MS4A4A: variants seen among roughly 807,000 people sequenced by gnomAD.
The protein encoded by MS4A4A is membrane-spanning 4-domains subfamily A member 4A.
A neutral mutation model predicts 28.0 loss-of-function variants in MS4A4A; 26 were observed. The ratio of observed to expected loss-of-function variants is 0.93; its 90% CI spans 0.68 to 1.29. MS4A4A has a LOEUF of 1.29. Ranked by LOEUF, MS4A4A falls within the 50% of genes most tolerant of loss-of-function variation. The pLI, the probability that MS4A4A is intolerant of heterozygous loss-of-function variation, is 0.00. For synonymous variants in MS4A4A, 86 were observed against 100.8 expected (o/e 0.85, Z 0.88); for missense variants, 290 against 293.1 (o/e 0.99, Z 0.08).
intron 1 of MS4A4A, among the ~76,000 whole-genome samples, chr11:60,284,200 T>A (rs1029281175): frequency 2.6e-5 from 4 of 152,252 alleles, no homozygotes; most frequent in African/African-American, 9.6e-5. Context: ...AATTCTGTCC[T>A]GTGAATAATA....
chr11:60,301,131 A>G, intron 4 of MS4A4A, 74 bp downstream of exon 4: 1 of 1,197,898 alleles, frequency 8.3e-7, no homozygotes, highest in Non-Finnish European at 1.2e-6. Context: ...CAGGGTGTAA[A>G]ACAGGTTTTG....
chr11:60,302,372 T>C (rs1251064141), intron 4 of MS4A4A, among the ~76,000 whole-genome samples, 187 bp from the exon 5 acceptor site: 3 of 152,188 alleles, frequency 2.0e-5, no homozygotes, highest in African/African-American at 7.2e-5. Flanking sequence ...AGCTGCGGAA[T>C]AATGAGATCA....
intron 2 of MS4A4A, among the ~76,000 whole-genome samples, chr11:60,296,178 T>C (rs1175449186): frequency 1.3e-5 from 2 of 152,106 alleles, no homozygotes; most frequent in East Asian, 3.9e-4. Context: ...TTATTCAGAG[T>C]GTCTCTTCTT....
chr11:60,285,777 G>C (rs2084798493), intron 1 of MS4A4A, among the ~76,000 whole-genome samples: 1 of 152,168 alleles, frequency 6.6e-6, no homozygotes, highest in South Asian at 2.1e-4. Context: ...GGGCAGAAGG[G>C]CAGAGCAAGG....
At position 60,300,945 on chromosome 11, in the gene MS4A4A, A is replaced by G. The variant is rs920912822; in HGVS notation, c.331-56A>G. 18 of 1,284,036 alleles carry G rather than the reference A, an allele frequency of 1.4e-5. 2 individuals are homozygous for G. The South Asian group carries it at 2.0e-4, about 14-fold the overall frequency. 79.5% of individuals were successfully genotyped at this position (1,284,036 alleles called of 1,614,324 possible). ...AATTTAGAATTAAGTTTAGTAAGTT[A>G]TGACTCCCAATACTGGCTTAAAGTT... On this transcript the variant is annotated intron_variant, in intron 3 of 6. Coordinates refer to ENST00000337908, the MANE Select transcript of MS4A4A (RefSeq NM_148975.3).
At chr11:60,286,940 A>G (rs2084808263) in intron 1 of MS4A4A, among the ~76,000 whole-genome samples, 1 of 152,120 alleles carries the variant, frequency 6.6e-6, no homozygotes, top group African/African-American at 2.4e-5. Context: ...GTTTTTGTAG[A>G]TATTTGTTTC....
At chr11:60,299,448 C>CTTTTTT (rs5792179) in intron 3 of MS4A4A, among the ~76,000 whole-genome samples, 1 of 113,216 alleles carries the variant, frequency 8.8e-6, no homozygotes, top group African/African-American at 3.4e-5. Context: ...AATTACAATT[C>CTTTTTT]TTTTTTTTTT....
chr11:60,297,467 C>T, intron 3 of MS4A4A, 142 bp downstream of exon 3: 1 of 905,218 alleles, frequency 1.1e-6, no homozygotes, highest in Non-Finnish European at 1.6e-6. Context: ...TCAATTTTCT[C>T]ATATTTAAAG....
At chr11:60,289,904 C>G (rs1027243083) in intron 1 of MS4A4A, 4 of 157,718 alleles carry the variant, frequency 2.5e-5, no homozygotes, top group African/African-American at 7.2e-5. Context: ...AGATTATGTT[C>G]CAAATATGTC....
chr11:60,285,428 C>T (rs1476104091), intron 1 of MS4A4A, among the ~76,000 whole-genome samples: 10 of 152,230 alleles, frequency 6.6e-5, no homozygotes, highest in Non-Finnish European at 1.5e-4. Flanking sequence ...CAGTGAGTCA[C>T]GATAGTGCCA....
intron 1 of MS4A4A, chr11:60,290,121 C>G (rs1280190853): frequency 2.2e-6 from 1 of 445,086 alleles, no homozygotes; most frequent in Admixed American, 2.4e-5. Flanking sequence ...TGATTGCCTT[C>G]TAAATATGTG....
At chr11:60,294,848 T>C (rs1428623268) in intron 2 of MS4A4A, among the ~76,000 whole-genome samples, 3 of 150,994 alleles carry the variant, frequency 2.0e-5, no homozygotes, top group Admixed American at 1.3e-4. Flanking sequence ...ACTATCACTT[T>C]ATAGTATGTC....
chr11:60,306,765 C>T (rs1483919518), intron 6 of MS4A4A, among the ~76,000 whole-genome samples: 1 of 152,216 alleles, frequency 6.6e-6, no homozygotes, highest in Non-Finnish European at 1.5e-5. Context: ...AAGTGCATAA[C>T]CTCTGAATCC....
chr11:60,280,752 C>A, intron 1 of MS4A4A, 36 bp downstream of exon 1: 2 of 1,611,530 alleles, frequency 1.2e-6, no homozygotes, highest in Middle Eastern at 1.7e-4. Context: ...GGCTTTCGGG[C>A]TGATGGCTTG....
At chr11:60,301,482 G>A (rs1396380852) in intron 4 of MS4A4A, among the ~76,000 whole-genome samples, 3 of 152,118 alleles carry the variant, frequency 2.0e-5, no homozygotes, top group East Asian at 1.9e-4. Context: ...TTCACAATAA[G>A]GTTATTACAT....
chr11:60,301,035 G>T lies in MS4A4A; in HGVS notation c.365G>T (p.Gly122Val). The T allele has an allele frequency of 6.2e-7, 1 of 1,600,118 alleles. No individual in the cohort carries two copies. The stretch of plus-strand genomic sequence containing the variant: ...TCAGGATCCTTGTCAATTGCAGCAG[G>T]AATTAGAACTACAAAAGGCCTGGTG... The part of the protein sequence containing the change: ...IISGSLSIAA[G>V]IRTTKGLVRG... The change falls in exon 4 of 7, where the codon GGA becomes GTA. Residue 122 changes from glycine (G) to valine (V), a missense_variant. By Grantham distance (109) the Gly-to-Val change is moderately radical. Transcript: ENST00000337908.
intron 1 of MS4A4A, among the ~76,000 whole-genome samples, chr11:60,290,968 A>G (rs2084850739): frequency 6.6e-6 from 1 of 152,240 alleles, no homozygotes; most frequent in South Asian, 2.1e-4. Flanking sequence ...AGACTTTTAT[A>G]GGGGCTCAGT....
intron 5 of MS4A4A, among the ~76,000 whole-genome samples, chr11:60,304,957 A>G: frequency 6.6e-6 from 1 of 152,268 alleles, no homozygotes; most frequent in Non-Finnish European, 1.5e-5. Context: ...TAAATAAGCA[A>G]TGAATGCAAA....
intron 1 of MS4A4A, among the ~76,000 whole-genome samples, chr11:60,291,807 A>AC (rs1288268119): frequency 6.6e-6 from 1 of 151,454 alleles, no homozygotes; most frequent in Admixed American, 6.6e-5. Context: ...AAAAAAAAAA[A>AC]ACAAAAAAAC....
Sources: allele counts gnomAD v4.1 joint callset (sites outside exome capture counted in the v4.1 genomes callset), GRCh38; gene constraint gnomAD v4.1.1; transcripts MANE v1.5; gene names NCBI Gene and HGNC (gene_info 2026-07-23, HGNC 2026-07-21).